OSBPL10: variants seen among roughly 807,000 people sequenced by gnomAD.
OSBPL10 encodes the protein oxysterol binding protein like 10.
In OSBPL10, 49 loss-of-function variants were observed where a neutral mutation model predicts 81.7. The ratio of observed to expected loss-of-function variants is 0.60; its 90% CI spans 0.48 to 0.76. The LOEUF (loss-of-function observed/expected upper bound fraction) is 0.76. OSBPL10 is among the 30% of genes least tolerant of loss of function. The pLI, the probability that OSBPL10 is intolerant of heterozygous loss-of-function variation, is 0.00. For synonymous variants in OSBPL10, 419 were observed against 383.6 expected (o/e 1.09, Z -1.08); for missense variants, 923 against 987.8 (o/e 0.93, Z 0.88).
In OSBPL10 at chr3:32,021,436, C is replaced by T. The variant is rs75664624; in HGVS notation, n.298+25055G>A. 5.3e-4 allele frequency among the ~76,000 whole-genome samples: 81 copies of T among 152,282 alleles called. No homozygotes were observed. In the East Asian group the frequency reaches 0.014, roughly 27 times the overall value. Reference sequence around the variant, plus strand: ...AAGCCATTTGCCAACATATCTGCACCGTTTTAACTTCCCACCAATAATATT... The same window carrying T: ...AAGCCATTTGCCAACATATCTGCACTGTTTTAACTTCCCACCAATAATATT... On this transcript the variant is annotated intron_variant and non_coding_transcript_variant, in intron 2 of 3. Coordinates refer to the OSBPL10 transcript ENST00000479173.
rs529886273 is a variant in OSBPL10, at chr3:31,931,163, G to A, written c.281+49736C>T. 1.9e-3 allele frequency among the ~76,000 whole-genome samples: 288 copies of A among 151,978 alleles called. 1 individual carries two copies. Among genetic ancestry groups the A allele is most frequent in the Non-Finnish European group, 2.4e-3 (160 of 67,986 alleles). On this transcript the variant is annotated intron_variant, in intron 1 of 11. Coordinates refer to ENST00000396556, the MANE Select transcript of OSBPL10 (RefSeq NM_017784.5). ...TGGAGAGGGAGACCGAGAGACAGAA[G>A]GAAGGGGGAAACAATTCATGGCATT...
intron 1 of OSBPL10, among the ~76,000 whole-genome samples, chr3:31,932,458 G>A (rs935586148): frequency 2.0e-5 from 3 of 152,104 alleles, no homozygotes; most frequent in Admixed American, 6.5e-5. Context: ...AAATAACAAT[G>A]TAAGAAGATA....
At chr3:31,891,390 G>T (rs1695887403) in intron 1 of OSBPL10, among the ~76,000 whole-genome samples, 1 of 152,100 alleles carries the variant, frequency 6.6e-6, no homozygotes, top group South Asian at 2.1e-4. Flanking sequence ...CACACTTTGG[G>T]AACCACTTGT....
intron 7 of OSBPL10, among the ~76,000 whole-genome samples, chr3:31,684,525 G>A (rs914025883): frequency 3.3e-5 from 5 of 152,202 alleles, no homozygotes; most frequent in African/African-American, 1.2e-4. Context: ...GGAGGGGTCG[G>A]CAATCAGTGT....
chr3:32,066,629 A>G (rs1053893559), intron 1 of OSBPL10: 9 of 152,276 alleles, frequency 5.9e-5, no homozygotes, highest in African/African-American at 2.2e-4. Context: ...TACCCAAGCC[A>G]ACCAAGATCC....
chr3:32,029,773 TATCTC>T (rs1699449696), intron 2 of OSBPL10, among the ~76,000 whole-genome samples: 1 of 152,038 alleles, frequency 6.6e-6, no homozygotes, highest in Non-Finnish European at 1.5e-5. Flanking sequence ...GAGGGGAAAA[TATCTC>T]AGGTAGAGCC....
At chr3:31,672,033 C>T (rs1011535354) in intron 8 of OSBPL10, among the ~76,000 whole-genome samples, 2 of 152,026 alleles carry the variant, frequency 1.3e-5, no homozygotes, top group African/African-American at 2.4e-5. Context: ...GCTCTGAGCT[C>T]GTCAAGAATG....
chr3:31,770,552 C>T (rs1210188768), intron 4 of OSBPL10, among the ~76,000 whole-genome samples: 3 of 152,060 alleles, frequency 2.0e-5, no homozygotes, highest in Non-Finnish European at 2.9e-5. Context: ...TTTGGGAGGC[C>T]GAGGTGGGTG....
chr3:31,748,138 A>G lies in OSBPL10; in HGVS notation c.730-18T>C, dbSNP rs1427174417. 1.9e-6 allele frequency: 3 copies of G among 1,599,616 alleles called. No homozygotes were observed. Among genetic ancestry groups the G allele is most frequent in the Non-Finnish European group, 2.6e-6 (3 of 1,172,336 alleles). ...TTCATCATCTACAAAACAAGAAGAC[A>G]GTAAGGAGGTGAGGGGCGGAAGTTC... On this transcript the variant is annotated intron_variant, in intron 4 of 11. Transcript: ENST00000396556.
chr3:32,024,025 T>C (rs1699380764), intron 2 of OSBPL10, among the ~76,000 whole-genome samples: 3 of 152,162 alleles, frequency 2.0e-5, no homozygotes, highest in East Asian at 1.9e-4. Context: ...ACTGCAGAAA[T>C]TGAAACCACA....
chr3:31,777,081 C>T (rs578033453), intron 4 of OSBPL10, among the ~76,000 whole-genome samples: 50 of 152,292 alleles, frequency 3.3e-4, no homozygotes, highest in Admixed American at 1.3e-3. Flanking sequence ...AAAAGTCATG[C>T]AATTATCAAT....
intron 4 of OSBPL10, among the ~76,000 whole-genome samples, chr3:31,789,718 C>T (rs1247258935): frequency 6.6e-6 from 1 of 152,222 alleles, no homozygotes; most frequent in Non-Finnish European, 1.5e-5. Flanking sequence ...GAGGCCAGGC[C>T]ACATCGTAGG....
chr3:31,745,036 A>T (rs954398371), intron 5 of OSBPL10, among the ~76,000 whole-genome samples: 5 of 152,210 alleles, frequency 3.3e-5, no homozygotes, highest in Non-Finnish European at 7.3e-5. Context: ...CTCATTCCAG[A>T]TCAGAAAATG....
intron 3 of OSBPL10, among the ~76,000 whole-genome samples, chr3:31,872,815 G>A (rs1398061579): frequency 2.6e-5 from 4 of 151,944 alleles, no homozygotes; most frequent in South Asian, 4.2e-4. Flanking sequence ...TTGGAGACAG[G>A]GTTTCGCCAT....
At chr3:32,067,844 G>A (rs972564742) in intron 1 of OSBPL10, among the ~76,000 whole-genome samples, 5 of 152,118 alleles carry the variant, frequency 3.3e-5, no homozygotes, top group African/African-American at 9.7e-5. Flanking sequence ...TTCAGACTCA[G>A]CCTGCCTGCA....
chr3:31,844,223 T>C (rs946440679), intron 3 of OSBPL10, among the ~76,000 whole-genome samples: 1 of 152,214 alleles, frequency 6.6e-6, no homozygotes, highest in African/African-American at 2.4e-5. Context: ...GCAAAATGTG[T>C]TGGTTCCAAC....
intron 5 of OSBPL10, among the ~76,000 whole-genome samples, chr3:31,743,302 G>C (rs964313017): frequency 2.9e-4 from 44 of 152,080 alleles, no homozygotes; most frequent in African/African-American, 1.0e-3. Flanking sequence ...GCCTCCCAAA[G>C]TGCTGAGATT....
chr3:31,996,813 CA>C (rs564338249), intron 2 of OSBPL10, among the ~76,000 whole-genome samples: 2 of 151,970 alleles, frequency 1.3e-5, no homozygotes, highest in Admixed American at 1.3e-4. Flanking sequence ...AAATTTAAAA[CA>C]AAAAAAACTT....
At chr3:31,900,532 C>G (rs1386500802) in intron 1 of OSBPL10, among the ~76,000 whole-genome samples, 1 of 152,186 alleles carries the variant, frequency 6.6e-6, no homozygotes, top group Non-Finnish European at 1.5e-5. Flanking sequence ...ACATTTCTCC[C>G]CTTCTCAGGC....
Sources: allele counts gnomAD v4.1 joint callset (sites outside exome capture counted in the v4.1 genomes callset), GRCh38; gene constraint gnomAD v4.1.1; transcripts MANE v1.5; gene names NCBI Gene and HGNC (gene_info 2026-07-23, HGNC 2026-07-21).